Variants in CSMD3 observed in about 807,000 individuals in gnomAD.
CSMD3 encodes CUB and Sushi multiple domains 3, also known as CUB and sushi domain-containing protein 3.
Under a neutral mutation model 435.2 loss-of-function variants are expected in CSMD3, and 177 were observed. That is an observed-to-expected ratio of 0.41 (90% CI 0.36 to 0.46). The LOEUF (loss-of-function observed/expected upper bound fraction) is 0.46. Ranked by LOEUF, CSMD3 falls within the 20% of genes least tolerant of loss-of-function variation. CSMD3 has a pLI of 0.34. For missense variants in CSMD3, 4,265 were observed against 4,504.6 expected, an observed-to-expected ratio of 0.95 and a Z score of 1.52; for synonymous variants, 1,656 against 1,520.5, an observed-to-expected ratio of 1.09 and a Z score of -2.07.
Position 113,278,556 on chromosome 8 carries a change from A to C in CSMD3, c.514+36T>G, listed in dbSNP as rs762482903. ...TTGAAAAATTTTGTTAGATTACATT[A>C]AGGGCAGTGGTTTGTTTGCCACTAC... On this transcript the variant is annotated intron_variant, in intron 3 of 70. Transcript: ENST00000297405. The C allele has an allele frequency of 1.1e-5, 11 of 963,398 alleles. No individual in the cohort carries two copies. The South Asian group carries it at 1.4e-4, about 12-fold the overall frequency. The allele number at this position is 963,398 out of a possible 1,614,324, so 59.7% of individuals were successfully genotyped here.
At chr8:113,157,052 A>T (rs1225669958) in intron 4 of CSMD3, among the ~76,000 whole-genome samples, 1 of 152,110 alleles carries the variant, frequency 6.6e-6, no homozygotes, top group Non-Finnish European at 1.5e-5. Context: ...AAAAATAAAA[A>T]CAAAACTGCA....
At chr8:112,378,518 G>A (rs1193487552) in intron 38 of CSMD3, among the ~76,000 whole-genome samples, 1 of 152,146 alleles carries the variant, frequency 6.6e-6, no homozygotes, top group Non-Finnish European at 1.5e-5. Context: ...GCAGCAACAT[G>A]AGTGGAATTA....
intron 19 of CSMD3, among the ~76,000 whole-genome samples, 155 bp downstream of exon 19, chr8:112,650,006 T>C (rs2131630501): frequency 6.6e-6 from 1 of 152,308 alleles, no homozygotes; most frequent in Non-Finnish European, 1.5e-5. Context: ...ATAGTCTTTA[T>C]TTCATGAATG....
chr8:113,013,334 T>C (rs1157664596), intron 6 of CSMD3, among the ~76,000 whole-genome samples: 1 of 152,132 alleles, frequency 6.6e-6, no homozygotes, highest in South Asian at 2.1e-4. Context: ...TTCATCACAA[T>C]ATTTAAACTA....
intron 5 of CSMD3, among the ~76,000 whole-genome samples, chr8:113,083,946 C>A (rs924508861): frequency 6.6e-6 from 1 of 151,878 alleles, no homozygotes; most frequent in African/African-American, 2.4e-5. Flanking sequence ...GCCCTCCAGT[C>A]TGGACAACAG....
chr8:112,880,967 G>A (rs1308598666), intron 10 of CSMD3, among the ~76,000 whole-genome samples: 1 of 151,924 alleles, frequency 6.6e-6, no homozygotes, highest in Admixed American at 6.6e-5. Flanking sequence ...AAATACAATT[G>A]TATATATTTA....
chr8:112,354,460 T>C (rs1208818398), intron 38 of CSMD3, among the ~76,000 whole-genome samples: 11 of 152,120 alleles, frequency 7.2e-5, no homozygotes, highest in Non-Finnish European at 1.5e-5. Flanking sequence ...ATAAAGAATC[T>C]GCCAAAAGGC....
intron 1 of CSMD3, among the ~76,000 whole-genome samples, chr8:113,357,845 G>C (rs1385611670): frequency 1.3e-5 from 2 of 152,136 alleles, no homozygotes; most frequent in South Asian, 2.1e-4. Context: ...GCCATGTGAA[G>C]ATGTGTTTGC....
At chr8:112,396,156 AAC>A (rs1830843363) in intron 35 of CSMD3, among the ~76,000 whole-genome samples, 2 of 152,292 alleles carry the variant, frequency 1.3e-5, no homozygotes, top group South Asian at 2.1e-4. Flanking sequence ...CAGAAAAAAA[AAC>A]AGTGTTGACA....
chr8:113,287,902 G>T (rs976800907), intron 2 of CSMD3, among the ~76,000 whole-genome samples: 1 of 151,884 alleles, frequency 6.6e-6, no homozygotes, highest in Non-Finnish European at 1.5e-5. Context: ...CTTAAACCTA[G>T]AATTCTTATT....
Position 112,292,626 on chromosome 8 carries a change from G to A in CSMD3, c.8699C>T (p.Ser2900Leu), listed in dbSNP as rs1203094336. Residue 2900 changes from serine to leucine, a missense_variant, in exon 55 of 71, where the codon TCA (serine) becomes TTA (leucine). By Grantham distance (145) the Ser-to-Leu change is moderately radical (BLOSUM62 -2). Around this residue, in one of 3 missense-constraint regions of CSMD3, gnomAD observed 3,255 missense variants for 3,380.2 expected, o/e 0.96. Transcript: ENST00000297405. ...GFNFNDVVTF[S>L]CNIGYLMQGP... ...TTGCATAAGATACCCAATATTGCAT[G>A]AGAATGTTACCACATCATTAAAGTT... 2 of 1,613,666 alleles carry A rather than the reference G, an allele frequency of 1.2e-6. No individual in the cohort carries two copies. The highest frequency in any genetic ancestry group is 1.7e-5 in the Admixed American group (1 of 59,956).
intron 44 of CSMD3, among the ~76,000 whole-genome samples, chr8:112,335,894 A>C (rs1384373879): frequency 2.0e-5 from 3 of 152,016 alleles, no homozygotes; most frequent in Admixed American, 2.0e-4. Context: ...TAATTCAGAT[A>C]CTTTCTTTAA....
chr8:113,192,035 C>T (rs2092593774), intron 3 of CSMD3, among the ~76,000 whole-genome samples: 1 of 151,820 alleles, frequency 6.6e-6, no homozygotes, highest in African/African-American at 2.4e-5. Flanking sequence ...TTGTTTGCCA[C>T]TTCTCTATCT....
chr8:112,381,720 C>T (rs1829473322), intron 37 of CSMD3, among the ~76,000 whole-genome samples: 1 of 152,130 alleles, frequency 6.6e-6, no homozygotes, highest in African/African-American at 2.4e-5. Context: ...GGTCATTTCA[C>T]CTGCCTTAAG....
At chr8:112,400,758 C>A (rs886541411) in intron 35 of CSMD3, among the ~76,000 whole-genome samples, 1 of 152,176 alleles carries the variant, frequency 6.6e-6, no homozygotes, top group African/African-American at 2.4e-5. Flanking sequence ...AGTTGGATAG[C>A]ATCACCTTAC....
intron 1 of CSMD3, among the ~76,000 whole-genome samples, chr8:113,431,367 G>A (rs2094671853): frequency 6.6e-6 from 1 of 152,148 alleles, no homozygotes; most frequent in African/African-American, 2.4e-5. Context: ...AGTGTTCTTA[G>A]ATTTTACTTG....
intron 32 of CSMD3, among the ~76,000 whole-genome samples, chr8:112,433,838 C>G (rs550884571): frequency 1.2e-4 from 18 of 149,140 alleles, no homozygotes; most frequent in Admixed American, 9.4e-4. Context: ...AGAAAGCCAT[C>G]TATTTTAGTG....
At chr8:112,626,822 A>G (rs929247912) in intron 22 of CSMD3, among the ~76,000 whole-genome samples, 3 of 152,208 alleles carry the variant, frequency 2.0e-5, no homozygotes, top group African/African-American at 7.2e-5. Flanking sequence ...GGATACATAC[A>G]GAATATTGAA....
At chr8:112,540,446 A>G (rs1826555964) in intron 27 of CSMD3, among the ~76,000 whole-genome samples, 1 of 152,082 alleles carries the variant, frequency 6.6e-6, no homozygotes, top group South Asian at 2.1e-4. Flanking sequence ...TATCCAAAAG[A>G]AAGAAAATTA....
Sources: gnomAD v4.1 joint callset for allele counts (sites outside exome capture counted in the v4.1 genomes callset) on GRCh38, gnomAD v4.1.1 for gene constraint, gnomAD v4.1.1 regional missense constraint, MANE v1.5 for transcripts, NCBI Gene and HGNC (gene_info 2026-07-23, HGNC 2026-07-21) for gene names.